GRAMD1B: variants seen among roughly 807,000 people sequenced by gnomAD.
The protein encoded by GRAMD1B is protein Aster-B.
A neutral mutation model predicts 99.7 loss-of-function variants in GRAMD1B; 37 were observed. That is an observed-to-expected ratio of 0.37 (90% CI 0.29 to 0.49). The LOEUF (loss-of-function observed/expected upper bound fraction) is 0.49. GRAMD1B is among the 20% of genes least tolerant of loss of function. GRAMD1B has a pLI of 0.98. For missense variants in GRAMD1B, 888 were observed against 1,009.2 expected (o/e 0.88, Z 1.63); for synonymous variants, 427 against 387.6 (o/e 1.10, Z -1.19).
chr11:123,579,797 A>G (rs1949140582), intron 3 of GRAMD1B, among the ~76,000 whole-genome samples: 1 of 152,152 alleles, frequency 6.6e-6, no homozygotes, highest in Non-Finnish European at 1.5e-5. Flanking sequence ...GGTAGGATAA[A>G]TCATTTGAGT....
At chr11:123,534,860 A>G (rs1468256784) in intron 2 of GRAMD1B, among the ~76,000 whole-genome samples, 1 of 150,502 alleles carries the variant, frequency 6.6e-6, no homozygotes, top group Non-Finnish European at 1.5e-5. Flanking sequence ...GCGAAACTCC[A>G]TCTCAAAGAA....
intron 2 of GRAMD1B, among the ~76,000 whole-genome samples, chr11:123,545,624 A>G (rs988195789): frequency 1.3e-5 from 2 of 152,220 alleles, no homozygotes; most frequent in Non-Finnish European, 2.9e-5. Flanking sequence ...CCTCTAAAAT[A>G]GGCTTATGAT....
At chr11:123,520,524 A>G (rs7935823) in intron 2 of GRAMD1B, among the ~76,000 whole-genome samples, 46,503 of 152,076 alleles carry the variant, frequency 0.31, 9,142 homozygotes, top group East Asian at 0.8. Flanking sequence ...CAATCCCAGC[A>G]CTTTGAGAGA....
chr11:123,457,430 C>A (rs934872763), intron 1 of GRAMD1B, among the ~76,000 whole-genome samples: 1 of 152,224 alleles, frequency 6.6e-6, no homozygotes, highest in Admixed American at 6.5e-5. Flanking sequence ...GCCAGCAACT[C>A]CCTTCTTTCT....
At chr11:123,422,343 C>T (rs73607908) in intron 1 of GRAMD1B, among the ~76,000 whole-genome samples, 2 of 152,296 alleles carry the variant, frequency 1.3e-5, no homozygotes, top group African/African-American at 2.4e-5. Context: ...CAGTTACTGC[C>T]TCAAGATGCA....
intron 1 of GRAMD1B, among the ~76,000 whole-genome samples, chr11:123,385,275 C>G (rs1170721091): frequency 6.6e-6 from 1 of 152,156 alleles, no homozygotes; most frequent in Non-Finnish European, 1.5e-5. Context: ...TTACTCAGAC[C>G]TTGCTGAGCT....
At chr11:123,566,804 T>C (rs1947430210) in intron 2 of GRAMD1B, among the ~76,000 whole-genome samples, 1 of 152,062 alleles carries the variant, frequency 6.6e-6, no homozygotes, top group African/African-American at 2.4e-5. Context: ...TCCCACTTTT[T>C]AAAATTCATG....
chr11:123,497,469 G>A (rs1303703367), intron 2 of GRAMD1B, among the ~76,000 whole-genome samples: 3 of 152,188 alleles, frequency 2.0e-5, no homozygotes, highest in African/African-American at 7.2e-5. Flanking sequence ...ATCAGCTGGT[G>A]ACAAAGCCAG....
intron 2 of GRAMD1B, among the ~76,000 whole-genome samples, chr11:123,508,553 T>C (rs1329487818): frequency 6.6e-6 from 1 of 152,216 alleles, no homozygotes; most frequent in Non-Finnish European, 1.5e-5. Flanking sequence ...GCCAGACCCG[T>C]GAGCACTGTG....
chr11:123,417,327 C>T (rs939754110), intron 1 of GRAMD1B, among the ~76,000 whole-genome samples: 17 of 152,092 alleles, frequency 1.1e-4, no homozygotes, highest in African/African-American at 1.4e-4. Flanking sequence ...GAGCTGAGAT[C>T]GCGCCATTGC....
intron 1 of GRAMD1B, among the ~76,000 whole-genome samples, chr11:123,433,383 GAATA>G (rs939287795): frequency 2.6e-5 from 4 of 152,220 alleles, no homozygotes; most frequent in African/African-American, 9.6e-5. Context: ...CATCTTAAAT[GAATA>G]AATAAATAAA....
chr11:123,462,505 G>A (rs1402693011), intron 1 of GRAMD1B, among the ~76,000 whole-genome samples: 1 of 152,204 alleles, frequency 6.6e-6, no homozygotes, highest in Non-Finnish European at 1.5e-5. Flanking sequence ...CAGCCCCTGA[G>A]TCCCAGCCCA....
intron 2 of GRAMD1B, among the ~76,000 whole-genome samples, chr11:123,487,402 C>T (rs1019211961): frequency 1.3e-5 from 2 of 152,056 alleles, no homozygotes; most frequent in African/African-American, 2.4e-5. Flanking sequence ...AGCATGGAGG[C>T]GGGAGAAAGC....
chr11:123,456,511 A>C (rs1950126573), intron 1 of GRAMD1B, among the ~76,000 whole-genome samples: 1 of 152,110 alleles, frequency 6.6e-6, no homozygotes, highest in Non-Finnish European at 1.5e-5. Context: ...GTGGTGGCGC[A>C]TGCCTATAAT....
intron 1 of GRAMD1B, among the ~76,000 whole-genome samples, chr11:123,386,757 T>C (rs538119469): frequency 5.9e-4 from 90 of 152,292 alleles, no homozygotes; most frequent in Admixed American, 1.1e-3. Flanking sequence ...CCTCACACTA[T>C]ACTTCTTCCT....
At chr11:123,543,383 T>C (rs948820434) in intron 2 of GRAMD1B, among the ~76,000 whole-genome samples, 2 of 152,232 alleles carry the variant, frequency 1.3e-5, no homozygotes, top group Non-Finnish European at 1.5e-5. Context: ...ACCTGAAACC[T>C]CTGTGGCCAG....
In GRAMD1B at chr11:123,584,346, T is replaced by G. The variant is rs1389750498; in HGVS notation, c.684+14T>G. ...AGTTGGTATAATGTAAGTATTCCTG[T>G]TTCCCTTCTTGTTGGGTACCTGAGA... On this transcript the variant is annotated intron_variant, in intron 4 of 19. Transcript: ENST00000635736. 6.4e-6 allele frequency: 7 copies of G among 1,089,770 alleles called. No homozygotes were observed. In the African/African-American group the frequency reaches 8.0e-5, roughly 12 times the overall value. The allele number at this position is 1,089,770 out of a possible 1,614,324, so 67.5% of individuals were successfully genotyped here.
intron 1 of GRAMD1B, among the ~76,000 whole-genome samples, chr11:123,375,151 G>T (rs1339909884): frequency 6.6e-6 from 1 of 152,172 alleles, no homozygotes; most frequent in Admixed American, 6.5e-5. Flanking sequence ...AGGAAACTAA[G>T]ATTAGGGAGA....
At chr11:123,358,946 A>G (rs1393448406) in intron 1 of GRAMD1B, 1 of 152,364 alleles carries the variant, frequency 6.6e-6, no homozygotes, top group East Asian at 1.9e-4. Flanking sequence ...TTAGTGAAAC[A>G]TCAAAGTTAC....
Sources: gnomAD v4.1 joint callset for allele counts (sites outside exome capture counted in the v4.1 genomes callset) on GRCh38, gnomAD v4.1.1 for gene constraint, MANE v1.5 for transcripts, NCBI Gene and HGNC (gene_info 2026-07-23, HGNC 2026-07-21) for gene names.